Variants in FSD2 observed in about 807,000 individuals in gnomAD.
The protein encoded by FSD2 is fibronectin type III and SPRY domain-containing protein 2.
In FSD2, 71 loss-of-function variants were observed where a neutral mutation model predicts 80.4. The observed-to-expected ratio is 0.88, with a 90% confidence interval of 0.73 to 1.08. The LOEUF (loss-of-function observed/expected upper bound fraction) is 1.08, where lower values mean the gene tolerates loss of function less well. FSD2 is among the 50% of genes least tolerant of loss of function. The probability of loss-of-function intolerance (pLI) is 0.00; values close to 1 mark genes in which losing one functional copy is unlikely to be tolerated. For synonymous variants in FSD2, 361 were observed against 329.5 expected (o/e 1.10, Z -1.03); for missense variants, 923 against 913.8 (o/e 1.01, Z -0.13).
chr15:82,791,561 C>T (rs912184457), intron 1 of FSD2, among the ~76,000 whole-genome samples: 2 of 151,418 alleles, frequency 1.3e-5, no homozygotes, highest in African/African-American at 4.9e-5. Flanking sequence ...TTTTTAGAGA[C>T]GGGGTCATGC....
Position 82,778,774 on chromosome 15 carries a change from G to T in FSD2, c.1103C>A (p.Thr368Asn), listed in dbSNP as rs564931681. 6.2e-7 allele frequency: 1 copy of T among 1,610,544 alleles called. No homozygotes were observed. The highest frequency in any genetic ancestry group is 2.2e-5 in the East Asian group (1 of 44,844). Residue 368 changes from threonine (T) to asparagine (N), a missense_variant, in exon 6 of 13, where the codon ACC (threonine) becomes AAC (asparagine). Thr to Asn is a moderately conservative substitution (Grantham distance 65). Transcript: ENST00000334574. ...CACACACAGGTGAGCACCTGGAATG[G>T]TGTTAATGGAGCCCATCAGCTGCTC... Reference protein sequence around the residue: ...DVEQLMGSINTIPAPSAPVIN... With the variant: ...DVEQLMGSINNIPAPSAPVIN...
intron 1 of FSD2, among the ~76,000 whole-genome samples, chr15:82,801,541 G>A (rs1401834839): frequency 6.6e-6 from 1 of 152,138 alleles, no homozygotes; most frequent in South Asian, 2.1e-4. Context: ...AAGTGTCCAC[G>A]GGATGCTGTT....
In FSD2 at chr15:82,778,780, A is replaced by G; in HGVS notation, c.1097T>C (p.Ile366Thr). 6.2e-7 allele frequency: 1 copy of G among 1,611,844 alleles called. No individual in the cohort carries two copies. The highest frequency in any genetic ancestry group is 1.1e-5 in the South Asian group (1 of 90,726). The stretch of plus-strand genomic sequence containing the variant: ...CAGGTGAGCACCTGGAATGGTGTTA[A>G]TGGAGCCCATCAGCTGCTCCACATC... ...FSDVEQLMGS[I>T]NTIPAPSAPV... The change falls in exon 6 of 13, where the codon ATT becomes ACT. Residue 366 changes from isoleucine (I) to threonine (T), a missense_variant. Ile to Thr is a moderately conservative substitution (Grantham distance 89). Transcript: ENST00000334574.
chr15:82,799,259 C>T (rs1011894089), intron 1 of FSD2, among the ~76,000 whole-genome samples: 2 of 152,150 alleles, frequency 1.3e-5, no homozygotes, highest in African/African-American at 2.4e-5. Context: ...TGGTGCTCTC[C>T]TGACTGCTCC....
intron 3 of FSD2, among the ~76,000 whole-genome samples, chr15:82,785,465 C>T (rs922188436): frequency 2.6e-5 from 4 of 151,932 alleles, no homozygotes; most frequent in Non-Finnish European, 5.9e-5. Flanking sequence ...GCTGGGACTA[C>T]AGGCACATGG....
rs928034456 is a variant in FSD2, at chr15:82,760,905, T to G, written c.1997+1197A>C. Among the ~76,000 whole-genome samples, 4 of 152,342 alleles carry G rather than the reference T, an allele frequency of 2.6e-5. No homozygotes were observed. The East Asian group carries it at 5.8e-4, about 22-fold the overall frequency. On this transcript the variant is annotated intron_variant, in intron 12 of 12. Coordinates refer to ENST00000334574, the MANE Select transcript of FSD2 (RefSeq NM_001007122.4). ...CCTCTACACGTGGACTTCTAGGCTT[T>G]CTTTATGCTCCCTTAGTTTTACTCT...
chr15:82,759,581 G>A lies in FSD2; in HGVS notation c.2017C>T (p.His673Tyr). ...ASSRHKYEFL[H>Y]NRTTPDIRIT... ...CTTATATCTGGAGTTGTTCTGTTGT[G>A]CAGAAATTCATACTTATGCCTGAAA... Residue 673 changes from histidine to tyrosine, a missense_variant, in exon 13 of 13, where the codon CAC becomes TAC. Coordinates refer to ENST00000334574, the MANE Select transcript of FSD2 (RefSeq NM_001007122.4). 1.3e-6 allele frequency: 2 copies of A among 1,587,444 alleles called. No homozygotes were observed. The highest frequency in any genetic ancestry group is 1.7e-6 in the Non-Finnish European group (2 of 1,166,152).
Position 82,782,775 on chromosome 15 carries a change from CATTTT to C in FSD2, c.966+15_966+19del. ...TCTCTTTCCATTATGTTCATTATTT[CATTTT>C]GTTTCATTACTGACCTTTATGAAAT... On this transcript the variant is annotated intron_variant, in intron 4 of 12. Coordinates refer to ENST00000334574, the MANE Select transcript of FSD2 (RefSeq NM_001007122.4). 2.6e-6 allele frequency: 4 copies of C among 1,529,586 alleles called. No individual in the cohort carries two copies. The highest frequency in any genetic ancestry group is 4.5e-5 in the East Asian group (2 of 44,388). The allele number at this position is 1,529,586 out of a possible 1,614,324, so 94.8% of individuals were successfully genotyped here. A position where few individuals can be genotyped will look rare whatever the true frequency, so the allele number is the denominator to read the frequency against.
intron 11 of FSD2, among the ~76,000 whole-genome samples, chr15:82,764,097 G>C (rs908981204): frequency 3.9e-5 from 6 of 152,170 alleles, no homozygotes; most frequent in Non-Finnish European, 7.3e-5. Context: ...CTGGGTCCTT[G>C]TTTCTGTTCT....
chr15:82,803,098 T>C (rs1294479576), intron 1 of FSD2, among the ~76,000 whole-genome samples: 1 of 152,106 alleles, frequency 6.6e-6, no homozygotes, highest in African/African-American at 2.4e-5. Flanking sequence ...TCTGGGGCTA[T>C]GCACAACTTC....
chr15:82,771,161 T>C (rs1331834627), intron 7 of FSD2, among the ~76,000 whole-genome samples: 1 of 152,222 alleles, frequency 6.6e-6, no homozygotes, highest in Non-Finnish European at 1.5e-5. Context: ...GCCCTCCACC[T>C]GCATGGTCTG....
intron 9 of FSD2, 86 bp downstream of exon 9, chr15:82,768,794 C>G (rs893501880): frequency 1.6e-6 from 2 of 1,229,890 alleles, no homozygotes; most frequent in Admixed American, 4.0e-5. Flanking sequence ...TGCCAACCTT[C>G]TCTTCAGACT....
intron 11 of FSD2, among the ~76,000 whole-genome samples, chr15:82,762,949 C>G (rs1021790896): frequency 2.0e-5 from 3 of 152,180 alleles, no homozygotes; most frequent in African/African-American, 7.2e-5. Flanking sequence ...CCTACATTAA[C>G]CAAAATATAT....
In FSD2 at chr15:82,762,218, C is replaced by G; in HGVS notation, c.1881G>C (p.Glu627Asp). The change falls in exon 12 of 13, where the codon GAG becomes GAC. Residue 627 changes from glutamate (E) to aspartate (D), a missense_variant. Physicochemically the swap from Glu to Asp is conservative, Grantham distance 45. Coordinates refer to ENST00000334574, the MANE Select transcript of FSD2 (RefSeq NM_001007122.4). The stretch of plus-strand genomic sequence containing the variant: ...CTCTGTAGTCCAAATGCTCATCCAC[C>G]TCCACCTCCCAGTAATGGTGCCCTC... ...PVRGHHYWEV[E>D]VDEHLDYRVG... 1.2e-6 allele frequency: 2 copies of G among 1,613,944 alleles called. No homozygotes were observed. Among genetic ancestry groups the G allele is most frequent in the Non-Finnish European group, 8.5e-7 (1 of 1,179,866 alleles).
intron 4 of FSD2, 140 bp downstream of exon 4, chr15:82,782,655 A>T (rs1814603865): frequency 1.4e-6 from 1 of 698,520 alleles, no homozygotes; most frequent in African/African-American, 1.8e-5. Flanking sequence ...AATCAAATGG[A>T]TGCTGGCCAT....
rs1357317274 is a variant in FSD2 at position 82,779,037 on chromosome 15, T to G, written c.990-150A>C. ...CAGCTGCTGGCTGCCATCTACCATC[T>G]TTTTTGGAGATTGACCTAGGGGTCA... On this transcript the variant is annotated intron_variant, in intron 5 of 12. Coordinates refer to ENST00000334574, the MANE Select transcript of FSD2 (RefSeq NM_001007122.4). 1.7e-5 allele frequency: 16 copies of G among 921,570 alleles called. No individual in the cohort carries two copies. The Admixed American group carries it at 3.4e-4, about 20-fold the overall frequency. 57.1% of individuals were successfully genotyped at this position (921,570 alleles called of 1,614,324 possible). A position where few individuals can be genotyped will look rare whatever the true frequency, so the allele number is the denominator to read the frequency against.
intron 7 of FSD2, among the ~76,000 whole-genome samples, chr15:82,770,159 A>G (rs1329339309): frequency 6.6e-6 from 1 of 152,230 alleles, no homozygotes; most frequent in East Asian, 1.9e-4. Flanking sequence ...GCTCGTGCAC[A>G]GGGGCTAGCC....
chr15:82,772,543 T>C lies in FSD2; in HGVS notation c.1112-315A>G, dbSNP rs539186093. On this transcript the variant is annotated intron_variant, in intron 6 of 12. Transcript: ENST00000334574. ...GGTCCTCTGGCCCTTCCGTGGCACC[T>C]AAAGAGGCAGGACAACCGGGATCAC... is the stretch of plus-strand genomic sequence containing the variant. Among the ~76,000 whole-genome samples the C allele has an allele frequency of 2.0e-5, 3 of 152,266 alleles. No individual in the cohort carries two copies. In the East Asian group the frequency reaches 5.8e-4, roughly 29 times the overall value.
rs1397938606 is a variant in FSD2 at position 82,806,031 on chromosome 15, C to T, written c.-144G>A. ...CTGGAGTTCTGCTAGAAAATTGAATCTGTGTTCAGCAGGCTTTCCTTCCTA... is the reference window on the plus strand; with the variant it reads ...CTGGAGTTCTGCTAGAAAATTGAATTTGTGTTCAGCAGGCTTTCCTTCCTA... On this transcript the variant is annotated 5_prime_UTR_variant, in exon 1 of 13. Coordinates refer to ENST00000334574, the MANE Select transcript of FSD2 (RefSeq NM_001007122.4). The T allele has an allele frequency of 6.6e-6, 1 of 152,228 alleles. No individual in the cohort carries two copies. The highest frequency in any genetic ancestry group is 1.5e-5 in the Non-Finnish European group (1 of 68,048). 9.4% of individuals were successfully genotyped at this position (152,228 alleles called of 1,614,324 possible). A position where few individuals can be genotyped will look rare whatever the true frequency, so the allele number is the denominator to read the frequency against.
Sources: gnomAD v4.1 joint callset for allele counts (sites outside exome capture counted in the v4.1 genomes callset) on GRCh38, gnomAD v4.1.1 for gene constraint, MANE v1.5 for transcripts, NCBI Gene and HGNC (gene_info 2026-07-23, HGNC 2026-07-21) for gene names.